ZC3H12B: variants seen among roughly 807,000 people sequenced by gnomAD.
ZC3H12B encodes the protein probable ribonuclease ZC3H12B.
ZC3H12B carries 7 observed loss-of-function variants against 43.9 expected under a neutral mutation model. The observed-to-expected ratio is 0.16, with a 90% CI of 0.09 to 0.30. The LOEUF (loss-of-function observed/expected upper bound fraction) is 0.30. Ranked by LOEUF, ZC3H12B falls within the 10% of genes least tolerant of loss-of-function variation. The probability of loss-of-function intolerance (pLI) is 1.00; values close to 1 mark genes in which losing one functional copy is unlikely to be tolerated. For synonymous variants in ZC3H12B, 222 were observed against 241.7 expected (o/e 0.92, Z 0.76); for missense variants, 475 against 670.2 (o/e 0.71, Z 3.22).
At chrX:65,485,898 C>T (rs1236681672), upstream of ZC3H12B, among the ~76,000 whole-genome samples, 4 of 111,869 alleles carry the variant, frequency 3.6e-5, no homozygotes, top group Non-Finnish European at 7.5e-5. Flanking sequence ...GTCTGTCTCC[C>T]CATTCCTCAC....
chrX:65,210,745 AATG>A, the ZC3H12B span, among the ~76,000 whole-genome samples: 4 of 12,690 alleles, frequency 3.2e-4, no homozygotes, highest in African/African-American at 9.4e-4. Flanking sequence ...AGCCATAAAA[AATG>A]ATGAGTTCAT....
chrX:65,114,946 C>CTTTTTTTTTTTTTTTTTTTTTTTT, the ZC3H12B span, among the ~76,000 whole-genome samples: 1 of 32,552 alleles, frequency 3.1e-5, no homozygotes, highest in African/African-American at 1.5e-4. Flanking sequence ...TTTTTTTTTA[C>CTTTTTTTTTTTTTTTTTTTTTTTT]TTTCCACAAA....
chrX:65,488,168 GC>G (rs1162823161), upstream of ZC3H12B, among the ~76,000 whole-genome samples: 1 of 111,412 alleles, frequency 9.0e-6, no homozygotes, highest in East Asian at 2.8e-4. Context: ...ACTGTGCCCG[GC>G]CCGCATGTGC....
intron 2 of ZC3H12B, among the ~76,000 whole-genome samples, chrX:65,389,099 G>T (rs779668976): frequency 1.8e-5 from 2 of 112,260 alleles, no homozygotes; most frequent in Non-Finnish European, 3.8e-5. Context: ...CCAATTTGAG[G>T]AGGCAGTCTG....
intron 3 of ZC3H12B, among the ~76,000 whole-genome samples, chrX:65,466,058 A>G (rs749034814): frequency 9.0e-6 from 1 of 110,569 alleles, no homozygotes; most frequent in South Asian, 3.8e-4. Context: ...ATGATACAAT[A>G]TTGTTAACTA....
the ZC3H12B span, among the ~76,000 whole-genome samples, chrX:65,227,745 C>T: frequency 1.8e-5 from 2 of 111,052 alleles, no homozygotes; most frequent in Admixed American, 9.6e-5. Flanking sequence ...TCAGAGAATA[C>T]TACAAACACC....
intron 3 of ZC3H12B, among the ~76,000 whole-genome samples, chrX:65,473,420 G>A (rs2067953897): frequency 8.9e-6 from 1 of 111,804 alleles, no homozygotes; most frequent in South Asian, 3.7e-4. Flanking sequence ...TATGATTTAT[G>A]GAGTGTATTC....
At chrX:65,230,627 C>T in the ZC3H12B span, among the ~76,000 whole-genome samples, 2 of 91,342 alleles carry the variant, frequency 2.2e-5, no homozygotes, top group Non-Finnish European at 4.4e-5. Context: ...AAAAAAAAAA[C>T]GAATTGAAAT....
At chrX:65,285,662 C>T in the ZC3H12B span, among the ~76,000 whole-genome samples, 2 of 111,237 alleles carry the variant, frequency 1.8e-5, no homozygotes, top group Admixed American at 9.6e-5. Flanking sequence ...AAATGCTGAG[C>T]GAATTTGTTA....
At chrX:65,488,151 A>G (rs996592548), upstream of ZC3H12B, among the ~76,000 whole-genome samples, 9 of 111,259 alleles carry the variant, frequency 8.1e-5, no homozygotes, top group Non-Finnish European at 1.7e-4. Context: ...GATTACAGGC[A>G]TGAGCCACTG....
intron 2 of ZC3H12B, among the ~76,000 whole-genome samples, chrX:65,392,999 T>G (rs141888545): frequency 3.6e-3 from 405 of 111,655 alleles, no homozygotes; most frequent in African/African-American, 0.013. Flanking sequence ...TTAAATGGAT[T>G]AAGGGCGGTG....
At chrX:65,388,485 G>T (rs2066563041) in intron 2 of ZC3H12B, among the ~76,000 whole-genome samples, 1 of 111,913 alleles carries the variant, frequency 8.9e-6, no homozygotes, top group Admixed American at 9.5e-5. Flanking sequence ...TTGGTATTCA[G>T]CTCCATCATG....
At chrX:65,369,667 A>G (rs1158149289) in intron 2 of ZC3H12B, among the ~76,000 whole-genome samples, 1 of 112,008 alleles carries the variant, frequency 8.9e-6, no homozygotes, top group Admixed American at 9.6e-5. Flanking sequence ...CTAGAGAAAG[A>G]AGCATCCATT....
chrX:65,207,054 T>G, the ZC3H12B span, among the ~76,000 whole-genome samples: 1 of 109,850 alleles, frequency 9.1e-6, no homozygotes, highest in African/African-American at 3.3e-5. Context: ...TTTACACTGC[T>G]GGTGGGAATG....
chrX:65,071,286 TCA>T, the ZC3H12B span, among the ~76,000 whole-genome samples: 3 of 96,839 alleles, frequency 3.1e-5, no homozygotes, highest in East Asian at 2.9e-4. Context: ...CTGCTTTTTT[TCA>T]GTTTTTTTTT....
chrX:65,384,921 C>G (rs1222120918), intron 2 of ZC3H12B, among the ~76,000 whole-genome samples: 1 of 112,129 alleles, frequency 8.9e-6, no homozygotes, highest in Non-Finnish European at 1.9e-5. Context: ...TTCCCCATTT[C>G]TTGTGTTTGT....
the ZC3H12B span, among the ~76,000 whole-genome samples, chrX:65,293,169 C>T: frequency 9.0e-5 from 10 of 110,996 alleles, no homozygotes; most frequent in Non-Finnish European, 1.9e-4. Context: ...TGGATCACAC[C>T]ACAGGACTCT....
chrX:65,266,945 G>A, the ZC3H12B span, among the ~76,000 whole-genome samples: 5 of 110,527 alleles, frequency 4.5e-5, no homozygotes, highest in Non-Finnish European at 3.8e-5. Context: ...TCTGTGAGAG[G>A]CAACACATAG....
chrX:65,498,241 A>C (rs1302773254), intron 2 of ZC3H12B, among the ~76,000 whole-genome samples: 1 of 111,907 alleles, frequency 8.9e-6, no homozygotes, highest in Non-Finnish European at 1.9e-5. Context: ...GGAGCCTAGG[A>C]AAGCAAAAAT....
Sources: gnomAD v4.1 joint callset for allele counts (sites outside exome capture counted in the v4.1 genomes callset) on GRCh38, gnomAD v4.1.1 for gene constraint, MANE v1.5 for transcripts, NCBI Gene and HGNC (gene_info 2026-07-23, HGNC 2026-07-21) for gene names.